Variants in SYNE2 observed in about 807,000 individuals in gnomAD.
SYNE2 encodes the protein spectrin repeat containing nuclear envelope protein 2.
SYNE2 carries 431 observed loss-of-function variants against 856.3 expected under a neutral mutation model. That is an observed-to-expected ratio of 0.50 (90% CI 0.47 to 0.55). The LOEUF is 0.55. SYNE2 is among the 20% of genes least tolerant of loss of function. The pLI, the probability that SYNE2 is intolerant of heterozygous loss-of-function variation, is 0.00. For missense variants in SYNE2, 8,129 were observed against 8,023.2 expected, an observed-to-expected ratio of 1.01 and a Z score of -0.50; for synonymous variants, 2,923 against 2,872.3, an observed-to-expected ratio of 1.02 and a Z score of -0.56.
At chr14:64,092,862 G>A (rs150241954) in intron 60 of SYNE2, among the ~76,000 whole-genome samples, 1 of 152,322 alleles carries the variant, frequency 6.6e-6, no homozygotes, top group East Asian at 1.9e-4. Flanking sequence ...GGTACCAGGT[G>A]AAGATGAGTC....
chr14:64,060,974 C>T (rs974104870), intron 49 of SYNE2, among the ~76,000 whole-genome samples: 3 of 152,226 alleles, frequency 2.0e-5, no homozygotes, highest in Non-Finnish European at 4.4e-5. Context: ...CGGATTCTTT[C>T]TCCCTGCCAT....
In SYNE2 at chr14:64,225,947, G is replaced by A; in HGVS notation, c.*421G>A. Reference sequence around the variant, plus strand: ...CCTAGAAATGGTTCAGAAACTCATAGGCACCCTTAGCTGATGGAAACAATC... The same window carrying A: ...CCTAGAAATGGTTCAGAAACTCATAAGCACCCTTAGCTGATGGAAACAATC... On this transcript the variant is annotated 3_prime_UTR_variant, in exon 116 of 116. Transcript: ENST00000555002. 2.8e-6 allele frequency: 1 copy of A among 362,360 alleles called. No individual in the cohort carries two copies. Among genetic ancestry groups the A allele is most frequent in the Non-Finnish European group, 5.1e-6 (1 of 197,790 alleles). 22.4% of individuals were successfully genotyped at this position (362,360 alleles called of 1,614,324 possible). A position where few individuals can be genotyped will look rare whatever the true frequency, so the allele number is the denominator to read the frequency against.
chr14:63,772,691 C>T (rs1031098262), intron 1 of SYNE2, among the ~76,000 whole-genome samples: 15 of 147,042 alleles, frequency 1.0e-4, no homozygotes, highest in African/African-American at 3.3e-4. Flanking sequence ...TTCAGGGAGC[C>T]GAGACCATTC....
chr14:63,990,661 C>A, intron 20 of SYNE2, 92 bp downstream of exon 20: 3 of 1,134,540 alleles, frequency 2.6e-6, no homozygotes, highest in Non-Finnish European at 2.6e-6. Context: ...AGCCCTGTAG[C>A]TTGGAAATGT....
chr14:64,041,578 C>A (rs996160018), intron 45 of SYNE2, among the ~76,000 whole-genome samples: 1 of 152,160 alleles, frequency 6.6e-6, no homozygotes, highest in Non-Finnish European at 1.5e-5. Context: ...GCCAGGTGCT[C>A]TGGCTCATGC....
In SYNE2 at chr14:63,794,651, A is replaced by G. The variant is rs115483954; in HGVS notation, c.-305+32665A>G. ...ATAAATGTTTAATAAACTCATGAAA[A>G]TGTGCTCAATTAATATCATGAACTA... On this transcript the variant is annotated intron_variant, in intron 1 of 23. Coordinates refer to the SYNE2 transcript ENST00000674003. 4.6e-3 allele frequency among the ~76,000 whole-genome samples: 708 copies of G among 152,344 alleles called. 4 individuals carry two copies. Among genetic ancestry groups the G allele is most frequent in the African/African-American group, 0.016 (681 of 41,578 alleles).
At chr14:64,174,880 C>G in intron 94 of SYNE2, 64 bp from the exon 95 acceptor site, 1 of 1,442,462 alleles carries the variant, frequency 6.9e-7, no homozygotes, top group Non-Finnish European at 9.7e-7. Flanking sequence ...TATACACAGG[C>G]ACACACAATC....
upstream of SYNE2, among the ~76,000 whole-genome samples, chr14:63,848,615 G>A (rs1890308129): frequency 6.6e-6 from 1 of 152,160 alleles, no homozygotes; most frequent in Non-Finnish European, 1.5e-5. Flanking sequence ...CTAATTCAGG[G>A]ACGGACACTA....
rs759094626 is a variant in SYNE2, at chr14:64,126,648, G to A, written c.13758G>A (p.Lys4586=). 3.1e-6 allele frequency: 5 copies of A among 1,614,076 alleles called. No homozygotes were observed. In the African/African-American group the frequency reaches 5.3e-5, roughly 17 times the overall value. Residue 4586 remains lysine (K), a synonymous_variant, in exon 73 of 116, where the codon AAG becomes AAA. Transcript: ENST00000555002. ...KKLYLALSDK[K]GDLLKAMTWP... ...TTTATTTAGCGCTAAGTGACAAGAAGGGTGATCTTTTGAAAGCCATGACTT... is the reference window on the plus strand; with the variant it reads ...TTTATTTAGCGCTAAGTGACAAGAAAGGTGATCTTTTGAAAGCCATGACTT...
At chr14:63,840,641 T>C (rs1221860601) in intron 1 of SYNE2, among the ~76,000 whole-genome samples, 1 of 151,996 alleles carries the variant, frequency 6.6e-6, no homozygotes, top group Non-Finnish European at 1.5e-5. Context: ...ATTTTAAATG[T>C]CTCTGCCAAA....
chr14:64,225,540 C>T lies in SYNE2; in HGVS notation c.*14C>T. On this transcript the variant is annotated 3_prime_UTR_variant, in exon 116 of 116. Transcript: ENST00000555002. ...CCCCCCACATAGAGGGCATAGCTGG[C>T]CACAGTGCTACACCACCTGCCTGAT... 1 of 1,612,652 alleles carries T rather than the reference C, an allele frequency of 6.2e-7. No individual in the cohort carries two copies. Among genetic ancestry groups the T allele is most frequent in the South Asian group, 1.1e-5 (1 of 90,818 alleles).
chr14:63,773,123 A>G (rs1886981962), intron 1 of SYNE2, among the ~76,000 whole-genome samples: 1 of 151,594 alleles, frequency 6.6e-6, no homozygotes, highest in Admixed American at 6.6e-5. Context: ...ATTGTTGTTT[A>G]TTATTCATAT....
intron 1 of SYNE2, among the ~76,000 whole-genome samples, chr14:63,867,258 T>A (rs563421903): frequency 6.6e-6 from 1 of 152,246 alleles, no homozygotes; most frequent in African/African-American, 2.4e-5. Flanking sequence ...GTACAGAAAC[T>A]TAGCACAGCA....
chr14:63,850,150 C>T (rs930533224), upstream of SYNE2, among the ~76,000 whole-genome samples: 1 of 148,008 alleles, frequency 6.8e-6, no homozygotes, highest in Non-Finnish European at 1.5e-5. Flanking sequence ...GGCATGATCT[C>T]GGCTTACTGC....
rs979226241 is a variant in SYNE2 at position 64,167,505 on chromosome 14, G to A, written c.16771G>A (p.Gly5591Arg). 1 of 1,614,078 alleles carries A rather than the reference G, an allele frequency of 6.2e-7. No homozygotes were observed. The highest frequency in any genetic ancestry group is 1.7e-5 in the Admixed American group (1 of 60,004). The change falls in exon 92 of 116, where the codon GGA becomes AGA. Residue 5591 changes from glycine (G) to arginine (R), a missense_variant. Around this residue, in one of 3 missense-constraint regions of SYNE2, gnomAD observed 5,410 missense variants for 5,284.8 expected, o/e 1.02. Coordinates refer to ENST00000555002, the MANE Select transcript of SYNE2 (RefSeq NM_182914.3). ...TTTAAACCTTTGTAGTGAGCTTCAG[G>A]GAATTGGATTGAATGAAAAGTTTCT... ...TALERCSELQ[G>R]IGLNEKFLYC...
At chr14:64,165,214 C>T in intron 89 of SYNE2, 71 bp from the exon 90 acceptor site, 2 of 1,545,268 alleles carry the variant, frequency 1.3e-6, no homozygotes, top group Non-Finnish European at 1.8e-6. Context: ...TTAGCAGCTC[C>T]CAAGCCTGTG....
intron 1 of SYNE2, among the ~76,000 whole-genome samples, chr14:63,905,921 G>A (rs1485352633): frequency 6.6e-6 from 1 of 152,066 alleles, no homozygotes; most frequent in African/African-American, 2.4e-5. Flanking sequence ...TGAATATGAT[G>A]TTGGCTGTGG....
rs76519256 is a variant in SYNE2 at position 64,165,917 on chromosome 14, C to T, written c.16605+507C>T. Among the ~76,000 whole-genome samples, 6 of 152,186 alleles carry T rather than the reference C, an allele frequency of 3.9e-5. No homozygotes were observed. In the South Asian group the frequency reaches 8.3e-4, roughly 21 times the overall value. ...GACATAGGGATCTCTTTTAGTAATA[C>T]GTCAGAGTAATTTGTAGTAGATGTT... On this transcript the variant is annotated intron_variant, in intron 90 of 115. Coordinates refer to ENST00000555002, the MANE Select transcript of SYNE2 (RefSeq NM_182914.3).
chr14:63,921,102 G>A (rs1165299542), intron 2 of SYNE2, among the ~76,000 whole-genome samples: 6 of 151,898 alleles, frequency 4.0e-5, no homozygotes, highest in Non-Finnish European at 7.4e-5. Flanking sequence ...GGGACAGAGC[G>A]AGACTCTGTC....
Sources: gnomAD v4.1 joint callset for allele counts (sites outside exome capture counted in the v4.1 genomes callset) on GRCh38, gnomAD v4.1.1 for gene constraint, gnomAD v4.1.1 regional missense constraint, MANE v1.5 for transcripts, NCBI Gene and HGNC (gene_info 2026-07-23, HGNC 2026-07-21) for gene names.